DTX1: variants seen among roughly 807,000 people sequenced by gnomAD.
DTX1 encodes deltex E3 ubiquitin ligase 1, also known as E3 ubiquitin-protein ligase DTX1.
In DTX1, 26 loss-of-function variants were observed where a neutral mutation model predicts 57.8. The ratio of observed to expected loss-of-function variants is 0.45; its 90% confidence interval spans 0.33 to 0.62. The LOEUF (loss-of-function observed/expected upper bound fraction) is 0.62. DTX1 is among the 20% of genes least tolerant of loss of function. The pLI is 0.02. For synonymous variants in DTX1, 398 were observed against 394.1 expected (o/e 1.01, Z -0.12); for missense variants, 704 against 895.3 (o/e 0.79, Z 2.73).
At chr12:113,072,472 G>A (rs1420039078) in intron 2 of DTX1, among the ~76,000 whole-genome samples, 1 of 152,204 alleles carries the variant, frequency 6.6e-6, no homozygotes. Flanking sequence ...AGGGCTGGGG[G>A]AGGATGAATG....
intron 2 of DTX1, among the ~76,000 whole-genome samples, chr12:113,074,868 T>C (rs193153906): frequency 4.1e-4 from 63 of 152,250 alleles, no homozygotes; most frequent in Non-Finnish European, 6.0e-4. Flanking sequence ...GAGACCAAGA[T>C]TTGGGGGTCC....
At position 113,093,464 on chromosome 12, in the gene DTX1, G is replaced by T. The variant is rs1950261685; in HGVS notation, c.1004-75G>T. On this transcript the variant is annotated intron_variant, in intron 4 of 9. Coordinates refer to ENST00000548759, the MANE Select transcript of DTX1 (RefSeq NM_004416.3). This position sits in a 1 kb window ranked among gnomAD's most constrained non-coding sequence, Gnocchi z 4.2. ...CCTCCCACCCACCCGAGGGCCCCGG[G>T]ATTCCCAGGGCCAGTGGTCGGGGGT... 7.2e-7 allele frequency: 1 copy of T among 1,390,422 alleles called. No individual in the cohort carries two copies. Among genetic ancestry groups the T allele is most frequent in the South Asian group, 1.5e-5 (1 of 67,950 alleles). The allele number at this position is 1,390,422 out of a possible 1,614,324, so 86.1% of individuals were successfully genotyped here.
In DTX1 at chr12:113,057,868, G is replaced by A; in HGVS notation, c.-325G>A. ...AAGAGGCTGGACCTCGAACAGGGGC[G>A]GCTGCCTCACTCCCTACCTGAGCCA... On this transcript the variant is annotated 5_prime_UTR_variant, in exon 2 of 10. Coordinates refer to ENST00000548759, the MANE Select transcript of DTX1 (RefSeq NM_004416.3). The A allele has an allele frequency of 3.0e-6, 1 of 328,784 alleles. No individual in the cohort carries two copies. The highest frequency in any genetic ancestry group is 5.6e-6 in the Non-Finnish European group (1 of 179,200). 20.4% of individuals were successfully genotyped at this position (328,784 alleles called of 1,614,324 possible).
At chr12:113,081,245 CGTGAACCCGGGAGGTGGAGGTTGCA>C (rs2044815048) in intron 3 of DTX1, among the ~76,000 whole-genome samples, 1 of 152,034 alleles carries the variant, frequency 6.6e-6, no homozygotes, top group Admixed American at 6.6e-5. Context: ...GGGAGGATTG[CGTGAACCCGGGAGGTGGAGGTTGCA>C]GTGAGCCGAG....
chr12:113,062,828 C>CCCACAG (rs1566013083), intron 2 of DTX1, among the ~76,000 whole-genome samples: 1 of 152,240 alleles, frequency 6.6e-6, no homozygotes, highest in Non-Finnish European at 1.5e-5. Context: ...TTTGTTCAGC[C>CCCACAG]GTGCCCCCTC....
At chr12:113,060,090 T>G (rs2044655283) in intron 2 of DTX1, among the ~76,000 whole-genome samples, 1 of 152,116 alleles carries the variant, frequency 6.6e-6, no homozygotes, top group Admixed American at 6.5e-5. Flanking sequence ...GCTTACCATG[T>G]CTGGAAACAC....
intron 2 of DTX1, among the ~76,000 whole-genome samples, chr12:113,061,942 G>A (rs1483985015): frequency 6.6e-6 from 1 of 152,064 alleles, no homozygotes; most frequent in African/African-American, 2.4e-5. Context: ...CTGGCCTCAA[G>A]TGAGCCGCCC....
At position 113,057,103 on chromosome 12, in the gene DTX1, C is replaced by T. The variant is rs758228929; in HGVS notation, c.-745+159C>T. Among the ~76,000 whole-genome samples, 12 of 152,178 alleles carry T rather than the reference C, an allele frequency of 7.9e-5. No individual in the cohort carries two copies. The South Asian group carries it at 1.2e-3, about 16-fold the overall frequency. On this transcript the variant is annotated intron_variant, in intron 1 of 9. Coordinates refer to ENST00000548759, the MANE Select transcript of DTX1 (RefSeq NM_004416.3). ...TTCGCCCCCTCCGCGACGCGACCCC[C>T]GAGGGGCCCTGGGCCGCGCCTGCAG...
intron 2 of DTX1, among the ~76,000 whole-genome samples, chr12:113,069,088 G>A (rs762202158): frequency 9.2e-5 from 14 of 152,180 alleles, no homozygotes; most frequent in Non-Finnish European, 1.8e-4. Context: ...TGACTTACAC[G>A]AAGCATTTAG....
At position 113,096,789 on chromosome 12, in the gene DTX1, G is replaced by A. The variant is rs1480013595; in HGVS notation, c.1713G>A (p.Glu571=). Residue 571 remains glutamate (E), a synonymous_variant, in exon 10 of 10, where the codon GAG becomes GAA. Transcript: ENST00000548759. ...TCGGCACGTCCAACACCACGGGCGA[G>A]TCGGACACCGTGGTGTGGAACGAGA... ...FTIGTSNTTG[E]SDTVVWNEIH... is the part of the protein sequence containing the mutation. 4.3e-6 allele frequency: 7 copies of A among 1,613,714 alleles called. No individual in the cohort carries two copies. Among genetic ancestry groups the A allele is most frequent in the Non-Finnish European group, 5.9e-6 (7 of 1,180,016 alleles).
At chr12:113,060,624 C>T (rs1379862) in intron 2 of DTX1, among the ~76,000 whole-genome samples, 64 of 152,140 alleles carry the variant, frequency 4.2e-4, no homozygotes, top group African/African-American at 1.4e-3. Flanking sequence ...GAGCAAGGAC[C>T]GGATGTACAG....
At position 113,057,995 on chromosome 12, in the gene DTX1, G is replaced by T; in HGVS notation, c.-198G>T. 1.3e-6 allele frequency: 1 copy of T among 797,624 alleles called. No homozygotes were observed. Among genetic ancestry groups the T allele is most frequent in the Non-Finnish European group, 1.9e-6 (1 of 520,162 alleles). 49.4% of individuals were successfully genotyped at this position (797,624 alleles called of 1,614,324 possible). On this transcript the variant is annotated 5_prime_UTR_variant, in exon 2 of 10. Coordinates refer to ENST00000548759, the MANE Select transcript of DTX1 (RefSeq NM_004416.3). ...ATCGGAGAAGGCTCTACAGGGAAGG[G>T]GTCTTTGCAGCCTGGATGGCCATCC...
At chr12:113,062,139 A>T (rs1440519044) in intron 2 of DTX1, among the ~76,000 whole-genome samples, 1 of 152,084 alleles carries the variant, frequency 6.6e-6, no homozygotes, top group African/African-American at 2.4e-5. Flanking sequence ...TTCTGTCTAG[A>T]TTTTCTAATT....
At chr12:113,062,081 T>C (rs1383385208) in intron 2 of DTX1, among the ~76,000 whole-genome samples, 3 of 148,458 alleles carry the variant, frequency 2.0e-5, no homozygotes, top group African/African-American at 7.4e-5. Flanking sequence ...TCCAACATAA[T>C]GCTGTAAAAC....
intron 2 of DTX1, among the ~76,000 whole-genome samples, chr12:113,076,805 A>C (rs1054945606): frequency 3.9e-5 from 6 of 152,230 alleles, no homozygotes; most frequent in African/African-American, 1.4e-4. Flanking sequence ...TAAGGCATGA[A>C]CAGATTGATG....
Position 113,058,358 on chromosome 12 carries a change from G to A in DTX1, c.166G>A (p.Ala56Thr), listed in dbSNP as rs200220437. Residue 56 changes from alanine (A) to threonine (T), a missense_variant, in exon 2 of 10, where the codon GCT (alanine) becomes ACT (threonine). Physicochemically the swap from Ala to Thr is moderately conservative, Grantham distance 58. Around this residue, in one of 3 missense-constraint regions of DTX1, gnomAD observed 237 missense variants for 328.6 expected, o/e 0.72. Coordinates refer to ENST00000548759, the MANE Select transcript of DTX1 (RefSeq NM_004416.3). ...CATTGAGAACGTGCTGAAGGAGGAC[G>A]CTCGCGGTTCCGTGGTCCTGGGGCA... ...HHIENVLKEDARGSVVLGQVD... is the reference protein window; with the variant it reads ...HHIENVLKEDTRGSVVLGQVD... 2.5e-6 allele frequency: 4 copies of A among 1,612,646 alleles called. No homozygotes were observed. Among genetic ancestry groups the A allele is most frequent in the Non-Finnish European group, 2.5e-6 (3 of 1,180,006 alleles).
intron 2 of DTX1, among the ~76,000 whole-genome samples, chr12:113,072,172 G>C (rs546638615): frequency 6.6e-6 from 1 of 152,168 alleles, no homozygotes; most frequent in African/African-American, 2.4e-5. Context: ...ACTCCTCCAA[G>C]TGCCAAGTAG....
intron 8 of DTX1, 25 bp downstream of exon 8, chr12:113,095,228 G>A: frequency 6.2e-7 from 1 of 1,603,730 alleles, no homozygotes; most frequent in Non-Finnish European, 8.5e-7. Context: ...CGCCTCTCTG[G>A]CCCCCAGCCC....
intron 3 of DTX1, among the ~76,000 whole-genome samples, chr12:113,080,995 C>T (rs1289583616): frequency 6.7e-6 from 1 of 149,972 alleles, no homozygotes; most frequent in Non-Finnish European, 1.5e-5. Flanking sequence ...AAAAATTGCT[C>T]CATGAATGTT....
Sources: allele counts gnomAD v4.1 joint callset (sites outside exome capture counted in the v4.1 genomes callset), GRCh38; gene constraint gnomAD v4.1.1; regional missense constraint gnomAD v4.1.1; non-coding constraint Gnocchi (gnomAD v3.1); transcripts MANE v1.5; gene names NCBI Gene and HGNC (gene_info 2026-07-23, HGNC 2026-07-21).